The following SGK3 variants were observed in gnomAD, a reference collection of about 807,000 sequenced individuals.
SGK3 encodes the protein serine/threonine-protein kinase Sgk3.
A neutral mutation model predicts 68.5 loss-of-function variants in SGK3; 47 were observed. The ratio of observed to expected loss-of-function variants is 0.69; its 90% confidence interval spans 0.54 to 0.87. The LOEUF (loss-of-function observed/expected upper bound fraction) is 0.87. SGK3 is among the 40% of genes least tolerant of loss of function. The pLI is 0.00. For synonymous variants in SGK3, 181 were observed against 189.1 expected, an observed-to-expected ratio of 0.96 and a Z score of 0.35; for missense variants, 479 against 575.5, an observed-to-expected ratio of 0.83 and a Z score of 1.72.
chr8:66,756,478 A>G (rs1805977526), intron 1 of SGK3, among the ~76,000 whole-genome samples: 1 of 151,858 alleles, frequency 6.6e-6, no homozygotes, highest in African/African-American at 2.4e-5. Flanking sequence ...GAGGAAAACC[A>G]TGGTATCCAC....
chr8:66,852,054 T>A (rs919935989), intron 16 of SGK3, among the ~76,000 whole-genome samples: 5 of 152,094 alleles, frequency 3.3e-5, no homozygotes, highest in African/African-American at 1.2e-4. Flanking sequence ...TGTTGTCTTT[T>A]CTTGTTAAAT....
intron 1 of SGK3, among the ~76,000 whole-genome samples, chr8:66,744,519 A>ATTTTTTTTT (rs55684607): frequency 4.7e-5 from 1 of 21,272 alleles, no homozygotes; most frequent in African/African-American, 1.7e-4. Context: ...ATATATATAT[A>ATTTTTTTTT]TTTTTTTTTT....
chr8:66,825,451 C>T (rs1305055681), intron 6 of SGK3, among the ~76,000 whole-genome samples: 1 of 151,830 alleles, frequency 6.6e-6, no homozygotes, highest in African/African-American at 2.4e-5. Context: ...GCCTCAGCCT[C>T]CCGAGGAGCT....
At chr8:66,830,007 G>T (rs1337426002) in intron 7 of SGK3, among the ~76,000 whole-genome samples, 1 of 151,992 alleles carries the variant, frequency 6.6e-6, no homozygotes, top group Non-Finnish European at 1.5e-5. Context: ...GGGATTACAG[G>T]CAGCCACCAT....
At chr8:66,838,804 A>G (rs1169076104) in intron 10 of SGK3, among the ~76,000 whole-genome samples, 1 of 152,224 alleles carries the variant, frequency 6.6e-6, no homozygotes, top group African/African-American at 2.4e-5. Flanking sequence ...TGTGGTTTCC[A>G]TACATTATTA....
chr8:66,713,152 G>T (rs962365867), intron 1 of SGK3, among the ~76,000 whole-genome samples: 1 of 152,252 alleles, frequency 6.6e-6, no homozygotes, highest in African/African-American at 2.4e-5. Flanking sequence ...TCGAAAGTGG[G>T]TGCAGGTCAC....
chr8:66,833,984 C>G (rs1809406375), intron 8 of SGK3, among the ~76,000 whole-genome samples: 1 of 152,220 alleles, frequency 6.6e-6, no homozygotes, highest in Non-Finnish European at 1.5e-5. Flanking sequence ...AGCCACCACA[C>G]CCAGCCAGGT....
chr8:66,839,505 ATATATATATATATATATATATATAT>A (rs1563654462), intron 10 of SGK3, among the ~76,000 whole-genome samples: 1 of 12,252 alleles, frequency 8.2e-5, no homozygotes, highest in Non-Finnish European at 1.6e-4. Context: ...GGAGATATAT[ATATATATATATATATATATATATAT>A]ATATATATAT....
At chr8:66,770,243 C>A (rs545815970) in intron 1 of SGK3, among the ~76,000 whole-genome samples, 1 of 152,164 alleles carries the variant, frequency 6.6e-6, no homozygotes, top group Non-Finnish European at 1.5e-5. Flanking sequence ...CGTGAGCCAC[C>A]GTGCCCGGCC....
At chr8:66,857,799 A>ATGTGTGTGTGTGTGTGTGTGTG (rs111758415) in intron 16 of SGK3, among the ~76,000 whole-genome samples, 1 of 133,716 alleles carries the variant, frequency 7.5e-6, no homozygotes, top group Non-Finnish European at 1.6e-5. Flanking sequence ...GTGTGTGTGT[A>ATGTGTGTGTGTGTGTGTGTGTG]TGTGTGTGTG....
intron 16 of SGK3, among the ~76,000 whole-genome samples, chr8:66,857,008 G>A (rs1385313622): frequency 2.0e-5 from 3 of 151,986 alleles, no homozygotes; most frequent in Non-Finnish European, 4.4e-5. Flanking sequence ...CACAAGAATT[G>A]CTTGAACCCA....
At chr8:66,741,745 G>A (rs185266456) in intron 1 of SGK3, among the ~76,000 whole-genome samples, 2 of 152,132 alleles carry the variant, frequency 1.3e-5, no homozygotes, top group African/African-American at 4.8e-5. Flanking sequence ...ATTATATGTT[G>A]GTGCACTAAA....
chr8:66,852,142 A>G lies in SGK3; in HGVS notation c.1320+1222A>G, dbSNP rs530634545. On this transcript the variant is annotated intron_variant, in intron 16 of 16. Coordinates refer to ENST00000521198, the MANE Select transcript of SGK3 (RefSeq NM_001033578.3). ...ATGGTAATTACAATTTTTGTGACTTATAATTATAGCAGTAAAAATAAGGAT... is the reference window on the plus strand; with the variant it reads ...ATGGTAATTACAATTTTTGTGACTTGTAATTATAGCAGTAAAAATAAGGAT... 2.3e-3 allele frequency among the ~76,000 whole-genome samples: 347 copies of G among 152,280 alleles called. 2 individuals are homozygous for G. Among genetic ancestry groups the G allele is most frequent in the Non-Finnish European group, 3.7e-3 (254 of 68,026 alleles).
intron 5 of SGK3, among the ~76,000 whole-genome samples, chr8:66,820,364 G>C (rs559558021): frequency 6.6e-6 from 1 of 152,070 alleles, no homozygotes; most frequent in East Asian, 1.9e-4. Context: ...CTTCATTCAC[G>C]TTATAGCATG....
intron 1 of SGK3, among the ~76,000 whole-genome samples, chr8:66,773,500 A>G (rs1257734118): frequency 2.0e-5 from 3 of 152,212 alleles, no homozygotes; most frequent in Non-Finnish European, 4.4e-5. Flanking sequence ...TCCTATATAT[A>G]CATGCCTACA....
intron 1 of SGK3, among the ~76,000 whole-genome samples, chr8:66,778,240 A>G (rs1294725239): frequency 1.3e-5 from 2 of 152,170 alleles, no homozygotes; most frequent in African/African-American, 4.8e-5. Context: ...ATGCACACAC[A>G]CATTTCAGTT....
intron 14 of SGK3, 87 bp downstream of exon 14, chr8:66,843,634 C>A: frequency 7.6e-7 from 1 of 1,320,386 alleles, no homozygotes; most frequent in Non-Finnish European, 1.1e-6. Context: ...ATCTCATGGA[C>A]ACTTAGATAA....
intron 3 of SGK3, among the ~76,000 whole-genome samples, chr8:66,801,247 G>A (rs1314622485): frequency 1.3e-5 from 2 of 152,062 alleles, no homozygotes; most frequent in East Asian, 1.9e-4. Context: ...TTTCCTTTGA[G>A]CACTCAAAAA....
chr8:66,735,367 G>A (rs540418898), intron 1 of SGK3, among the ~76,000 whole-genome samples: 17 of 152,192 alleles, frequency 1.1e-4, no homozygotes, highest in Non-Finnish European at 2.1e-4. Context: ...TCTATCAGGC[G>A]TATAGCTCTC....
Sources: gnomAD v4.1 joint callset for allele counts (sites outside exome capture counted in the v4.1 genomes callset) on GRCh38, gnomAD v4.1.1 for gene constraint, MANE v1.5 for transcripts, NCBI Gene and HGNC (gene_info 2026-07-23, HGNC 2026-07-21) for gene names.